Variants in LIMCH1 observed in about 807,000 individuals in gnomAD.
LIMCH1 encodes LIM and calponin homology domains-containing protein 1.
Under a neutral mutation model 176.5 loss-of-function variants are expected in LIMCH1, and 113 were observed. That is an observed-to-expected ratio of 0.64 (90% CI 0.55 to 0.75). LIMCH1 has a LOEUF of 0.75. LIMCH1 is among the 30% of genes least tolerant of loss of function. LIMCH1 has a pLI of 0.00. For synonymous variants in LIMCH1, 619 were observed against 645.9 expected, an observed-to-expected ratio of 0.96 and a Z score of 0.63; for missense variants, 1,674 against 1,814.9, an observed-to-expected ratio of 0.92 and a Z score of 1.41.
intron 1 of LIMCH1, among the ~76,000 whole-genome samples, chr4:41,422,038 A>G (rs143415951): frequency 0.013 from 2,052 of 152,132 alleles, 49 homozygotes; most frequent in African/African-American, 0.047. Context: ...AGCTGGGATC[A>G]CACCACTGCA....
At chr4:41,485,770 G>A (rs2069416687) in intron 1 of LIMCH1, among the ~76,000 whole-genome samples, 1 of 152,156 alleles carries the variant, frequency 6.6e-6, no homozygotes, top group Non-Finnish European at 1.5e-5. Flanking sequence ...TGGAATGGTA[G>A]CATGATTTAA....
intron 21 of LIMCH1, among the ~76,000 whole-genome samples, chr4:41,668,563 G>A (rs1048289777): frequency 6.6e-6 from 1 of 152,210 alleles, no homozygotes. Context: ...ATGTGCTGCT[G>A]AATTGAGAAA....
chr4:41,537,242 T>C (rs1007027981), upstream of LIMCH1, among the ~76,000 whole-genome samples: 5 of 152,342 alleles, frequency 3.3e-5, no homozygotes, highest in Admixed American at 6.5e-5. Context: ...GATGAATTGG[T>C]TGTAAACATT....
At chr4:41,463,840 A>G (rs2065731197) in intron 1 of LIMCH1, among the ~76,000 whole-genome samples, 1 of 151,966 alleles carries the variant, frequency 6.6e-6, no homozygotes, top group Non-Finnish European at 1.5e-5. Flanking sequence ...CAGCCTCCCA[A>G]AGTGCTAGGA....
intron 4 of LIMCH1, among the ~76,000 whole-genome samples, 178 bp from the exon 5 acceptor site, chr4:41,613,288 G>A (rs751368440): frequency 6.6e-6 from 1 of 151,938 alleles, no homozygotes; most frequent in Non-Finnish European, 1.5e-5. Flanking sequence ...TGCAGCAAAG[G>A]AGGCTCCAGG....
chr4:41,530,822 T>TAAAAAAAAAAAAAAA (rs1345989713), intron 3 of LIMCH1, among the ~76,000 whole-genome samples: 1 of 73,780 alleles, frequency 1.4e-5, no homozygotes, highest in African/African-American at 8.9e-5. Context: ...AAAAAAAATT[T>TAAAAAAAAAAAAAAA]TTTTTTTTTT....
At chr4:41,623,159 G>A (rs1561961534) in intron 7 of LIMCH1, among the ~76,000 whole-genome samples, 1 of 152,314 alleles carries the variant, frequency 6.6e-6, no homozygotes, top group Admixed American at 6.5e-5. Context: ...CTGGAATGAA[G>A]TATCATGAAA....
At chr4:41,640,295 G>A (rs1292071533) in intron 14 of LIMCH1, among the ~76,000 whole-genome samples, 1 of 152,198 alleles carries the variant, frequency 6.6e-6, no homozygotes, top group Admixed American at 6.5e-5. Flanking sequence ...ACTTTGGTTT[G>A]GTGAGCGAAA....
intron 29 of LIMCH1, chr4:41,688,909 G>A (rs1723074740): frequency 1.3e-5 from 2 of 152,344 alleles, no homozygotes; most frequent in Non-Finnish European, 2.9e-5. Context: ...AGAAATTGTA[G>A]AGATAATCTG....
intron 1 of LIMCH1, among the ~76,000 whole-genome samples, chr4:41,381,948 C>T (rs546765608): frequency 7.2e-5 from 11 of 152,304 alleles, no homozygotes; most frequent in African/African-American, 2.6e-4. Context: ...AGTAGTACCC[C>T]CACTGCCAAA....
intron 1 of LIMCH1, among the ~76,000 whole-genome samples, chr4:41,464,523 C>T (rs1326780230): frequency 2.6e-5 from 4 of 151,874 alleles, no homozygotes; most frequent in East Asian, 1.9e-4. Context: ...ATTACAGGTG[C>T]GTGCCCCCAC....
chr4:41,544,968 C>T (rs181873108), intron 1 of LIMCH1, among the ~76,000 whole-genome samples: 1 of 152,296 alleles, frequency 6.6e-6, no homozygotes, highest in East Asian at 1.9e-4. Flanking sequence ...TCTCTCTTCC[C>T]TTTTCCATCT....
intron 1 of LIMCH1, among the ~76,000 whole-genome samples, chr4:41,481,541 G>A (rs1248451617): frequency 6.6e-6 from 1 of 152,222 alleles, no homozygotes; most frequent in Non-Finnish European, 1.5e-5. Context: ...ATGCTGTGTG[G>A]GAGGTGGCCT....
At chr4:41,549,529 G>A (rs917184008) in intron 1 of LIMCH1, among the ~76,000 whole-genome samples, 2 of 151,928 alleles carry the variant, frequency 1.3e-5, no homozygotes, top group Non-Finnish European at 2.9e-5. Flanking sequence ...CTCTACTATA[G>A]CACTAGGAAC....
chr4:41,402,644 C>A, intron 1 of LIMCH1, among the ~76,000 whole-genome samples: 1 of 141,178 alleles, frequency 7.1e-6, no homozygotes, highest in South Asian at 2.4e-4. Context: ...TACTATGCAG[C>A]CATAAAAAAT....
intron 1 of LIMCH1, among the ~76,000 whole-genome samples, chr4:41,547,215 A>G (rs1226114212): frequency 6.6e-6 from 1 of 152,256 alleles, no homozygotes. Flanking sequence ...ATTATCAGCT[A>G]TAGTCGCTGT....
intron 1 of LIMCH1, among the ~76,000 whole-genome samples, chr4:41,413,218 GTT>G (rs59105322): frequency 1.3e-3 from 180 of 139,856 alleles, no homozygotes; most frequent in East Asian, 1.9e-3. Flanking sequence ...GACATAATAA[GTT>G]TTTTTTTTTT....
chr4:41,514,442 G>C (rs1352944337), intron 2 of LIMCH1, among the ~76,000 whole-genome samples: 1 of 152,218 alleles, frequency 6.6e-6, no homozygotes, highest in Non-Finnish European at 1.5e-5. Flanking sequence ...GGGAAAGGCA[G>C]TTCAGGGGAG....
At chr4:41,645,126 C>T (rs1463867265) in intron 15 of LIMCH1, among the ~76,000 whole-genome samples, 2 of 152,196 alleles carry the variant, frequency 1.3e-5, no homozygotes, top group Non-Finnish European at 2.9e-5. Flanking sequence ...CTGAACGTCA[C>T]ATAGCTAGCG....
Sources: allele counts gnomAD v4.1 joint callset (sites outside exome capture counted in the v4.1 genomes callset), GRCh38; gene constraint gnomAD v4.1.1; transcripts MANE v1.5; gene names NCBI Gene and HGNC (gene_info 2026-07-23, HGNC 2026-07-21).